Variants in GRSF1 observed in about 807,000 individuals in gnomAD.
GRSF1 encodes G-rich RNA sequence binding factor 1.
In GRSF1, 50 loss-of-function variants were observed where a neutral mutation model predicts 51.1. The ratio of observed to expected loss-of-function variants is 0.98; its 90% CI spans 0.78 to 1.24. GRSF1 has a LOEUF of 1.24. GRSF1 is among the 50% of genes most tolerant of loss of function. The pLI is 0.00. For missense variants in GRSF1, 700 were observed against 639.7 expected (o/e 1.09, Z -1.02); for synonymous variants, 293 against 253.3 (o/e 1.16, Z -1.49).
At position 70,817,813 on chromosome 4, in the gene GRSF1, T is replaced by C. The variant is rs1733368982; in HGVS notation, c.*3074A>G. On this transcript the variant is annotated 3_prime_UTR_variant, in exon 10 of 10. Transcript: ENST00000254799. ...GTCTACACAAAAACCTGCACATAAA[T>C]GTTTATAGCAGCTTTATTCCCTTCC... 1 of 152,212 alleles carries C rather than the reference T, an allele frequency of 6.6e-6. No homozygotes were observed. Among genetic ancestry groups the C allele is most frequent in the Non-Finnish European group, 1.5e-5 (1 of 68,022 alleles). 9.4% of individuals were successfully genotyped at this position (152,212 alleles called of 1,614,324 possible). A position where few individuals can be genotyped will look rare whatever the true frequency, so the allele number is the denominator to read the frequency against.
Position 70,818,478 on chromosome 4 carries a change from G to A in GRSF1, c.*2409C>T, listed in dbSNP as rs1733390924. ...CCTTCAAGTAACACAGAAGTAGTGA[G>A]AATTTGGAGCCTTCCTCCCAGGGAA... On this transcript the variant is annotated 3_prime_UTR_variant, in exon 10 of 10. Coordinates refer to ENST00000254799, the MANE Select transcript of GRSF1 (RefSeq NM_002092.4). 6.6e-6 allele frequency: 1 copy of A among 152,144 alleles called. No homozygotes were observed. The highest frequency in any genetic ancestry group is 2.4e-5 in the African/African-American group (1 of 41,428). The allele number at this position is 152,144 out of a possible 1,614,324, so 9.4% of individuals were successfully genotyped here. A position where few individuals can be genotyped will look rare whatever the true frequency, so the allele number is the denominator to read the frequency against.
chr4:70,841,682 G>A (rs939721865), upstream of GRSF1, among the ~76,000 whole-genome samples: 3 of 152,086 alleles, frequency 2.0e-5, no homozygotes, highest in Non-Finnish European at 4.4e-5. Context: ...AGTTTGACTT[G>A]TTTAACCTGG....
intron 4 of GRSF1, 56 bp downstream of exon 4, chr4:70,832,251 G>A (rs1054909198): frequency 1.2e-4 from 184 of 1,488,034 alleles, no homozygotes; most frequent in Middle Eastern, 1.2e-3. Context: ...GATATAGAAG[G>A]AGATACCAAG....
At chr4:70,823,035 T>G (rs909488073) in intron 9 of GRSF1, among the ~76,000 whole-genome samples, 5 of 152,068 alleles carry the variant, frequency 3.3e-5, no homozygotes, top group Non-Finnish European at 7.4e-5. Flanking sequence ...AGGCGGAGTT[T>G]GCAGTGAGCC....
intron 9 of GRSF1, among the ~76,000 whole-genome samples, chr4:70,824,021 A>G (rs575967109): frequency 8.5e-6 from 1 of 117,022 alleles, no homozygotes; most frequent in African/African-American, 3.2e-5. Context: ...CCCAGGCTGG[A>G]GTGCAGTGGC....
chr4:70,832,007 A>T (rs1265077745), intron 4 of GRSF1, among the ~76,000 whole-genome samples: 2 of 152,006 alleles, frequency 1.3e-5, no homozygotes, highest in African/African-American at 2.4e-5. Context: ...AATACTTTTA[A>T]ATTATATAAA....
At position 70,820,311 on chromosome 4, in the gene GRSF1, ATTT is replaced by A. The variant is rs147833252; in HGVS notation, c.*573_*575del. ...ATTGTCATTTACACTAAGCTGTGGT[ATTT>A]TTTGTTTTGATTTTTAAAAATTCCT... On this transcript the variant is annotated 3_prime_UTR_variant, in exon 10 of 10. Coordinates refer to ENST00000254799, the MANE Select transcript of GRSF1 (RefSeq NM_002092.4). The A allele has an allele frequency of 8.8e-3, 1,350 of 152,736 alleles. 8 individuals carry two copies. Among genetic ancestry groups the A allele is most frequent in the South Asian group, 0.018 (88 of 4,824 alleles). The allele number at this position is 152,736 out of a possible 1,614,324, so 9.5% of individuals were successfully genotyped here.
Position 70,831,589 on chromosome 4 carries a change from T to G in GRSF1, c.900A>C (p.Pro300=). 1 of 1,613,890 alleles carries G rather than the reference T, an allele frequency of 6.2e-7. No homozygotes were observed. Among genetic ancestry groups the G allele is most frequent in the South Asian group, 1.1e-5 (1 of 91,082 alleles). ...TCAACAGGGCTTGGTTGGCCATTTC[T>G]GGTTCTTCAAATTGCACATAGGCTT... ...TGEAYVQFEE[P]EMANQALLKH... is the part of the protein sequence containing the mutation. Residue 300 remains proline, a synonymous_variant, in exon 5 of 10, where the codon CCA becomes CCC. Coordinates refer to ENST00000254799, the MANE Select transcript of GRSF1 (RefSeq NM_002092.4).
intron 2 of GRSF1, among the ~76,000 whole-genome samples, chr4:70,834,053 G>GT (rs1325172729): frequency 1.3e-5 from 2 of 152,196 alleles, no homozygotes; most frequent in Non-Finnish European, 2.9e-5. Flanking sequence ...GAGGTCAGGA[G>GT]TTTGAGACCA....
At position 70,834,390 on chromosome 4, in the gene GRSF1, ATGTC is replaced by A. The variant is rs200312376; in HGVS notation, c.515-1121_515-1118del. On this transcript the variant is annotated intron_variant, in intron 2 of 9. Transcript: ENST00000254799. ...GATACTAAGTGACCTTCTATTGTAA[ATGTC>A]TGTATTACATAAAGAGTCACCCTTA... 4.8e-3 allele frequency among the ~76,000 whole-genome samples: 729 copies of A among 152,268 alleles called. 8 individuals carry two copies. Among genetic ancestry groups the A allele is most frequent in the African/African-American group, 0.017 (689 of 41,550 alleles).
chr4:70,825,926 T>C, intron 7 of GRSF1, 198 bp downstream of exon 7: 1 of 506,926 alleles, frequency 2.0e-6, no homozygotes, highest in Non-Finnish European at 3.5e-6. Flanking sequence ...AGCGAGACTC[T>C]GTCACAAAAA....
chr4:70,826,103 G>T, intron 7 of GRSF1, 21 bp downstream of exon 7: 1 of 1,595,790 alleles, frequency 6.3e-7, no homozygotes, highest in Middle Eastern at 1.7e-4. Flanking sequence ...TATTGAGATT[G>T]GATATCTTAC....
At position 70,819,553 on chromosome 4, in the gene GRSF1, T is replaced by C. The variant is rs1733429035; in HGVS notation, c.*1334A>G. ...ATCTTCAGCCTGAAACAAGTCTTCA[T>C]TTATTGACTACAGTACAGTGATTTC... is the stretch of plus-strand genomic sequence containing the variant. On this transcript the variant is annotated 3_prime_UTR_variant, in exon 10 of 10. Coordinates refer to ENST00000254799, the MANE Select transcript of GRSF1 (RefSeq NM_002092.4). 1 of 152,354 alleles carries C rather than the reference T, an allele frequency of 6.6e-6. No homozygotes were observed. The highest frequency in any genetic ancestry group is 1.5e-5 in the Non-Finnish European group (1 of 68,042). The allele number at this position is 152,354 out of a possible 1,614,324, so 9.4% of individuals were successfully genotyped here. A position where few individuals can be genotyped will look rare whatever the true frequency, so the allele number is the denominator to read the frequency against.
intron 3 of GRSF1, among the ~76,000 whole-genome samples, 197 bp from the exon 4 acceptor site, chr4:70,832,647 G>C (rs1734030929): frequency 6.6e-6 from 1 of 152,172 alleles, no homozygotes; most frequent in Non-Finnish European, 1.5e-5. Context: ...ATTTCTCACA[G>C]CTTGTAAGAT....
chr4:70,829,857 G>A (rs916571474), intron 5 of GRSF1, among the ~76,000 whole-genome samples: 1 of 152,018 alleles, frequency 6.6e-6, no homozygotes, highest in Admixed American at 6.6e-5. Flanking sequence ...TGAAACACTG[G>A]CTTTGGAATG....
chr4:70,822,900 G>A (rs889282223), intron 9 of GRSF1, among the ~76,000 whole-genome samples: 18 of 151,818 alleles, frequency 1.2e-4, no homozygotes, highest in African/African-American at 4.4e-4. Context: ...TTCAAGATGA[G>A]CCTGGCCAAC....
chr4:70,837,158 G>C (rs1253321954), intron 1 of GRSF1, among the ~76,000 whole-genome samples: 3 of 152,200 alleles, frequency 2.0e-5, no homozygotes, highest in East Asian at 3.8e-4. Flanking sequence ...GCAGCAGTGT[G>C]AGGCTACAGA....
rs546468416 is a variant in GRSF1, at chr4:70,820,850, T to G, written c.*37A>C. ...AAGAAAGATGTGCAAATGAAATGCT[T>G]CTTGCTTCACCCTAAAAATAAAACA... On this transcript the variant is annotated 3_prime_UTR_variant, in exon 10 of 10. Transcript: ENST00000254799. 1 of 152,764 alleles carries G rather than the reference T, an allele frequency of 6.5e-6. No homozygotes were observed. Among genetic ancestry groups the G allele is most frequent in the South Asian group, 2.1e-4 (1 of 4,830 alleles). The allele number at this position is 152,764 out of a possible 1,614,324, so 9.5% of individuals were successfully genotyped here.
intron 5 of GRSF1, among the ~76,000 whole-genome samples, chr4:70,830,395 T>C (rs1208015059): frequency 6.7e-6 from 1 of 150,334 alleles, no homozygotes; most frequent in Admixed American, 6.6e-5. Flanking sequence ...TAGTGAGCTA[T>C]CATCATGCCA....
Sources: gnomAD v4.1 joint callset for allele counts (sites outside exome capture counted in the v4.1 genomes callset) on GRCh38, gnomAD v4.1.1 for gene constraint, MANE v1.5 for transcripts, NCBI Gene and HGNC (gene_info 2026-07-23, HGNC 2026-07-21) for gene names.